The following DDX11 variants were observed in gnomAD, a reference collection of about 807,000 sequenced individuals.
DDX11 encodes the protein ATP-dependent DNA helicase DDX11.
In DDX11, 72 loss-of-function variants were observed where a neutral mutation model predicts 125.2. The ratio of observed to expected loss-of-function variants is 0.58; its 90% CI spans 0.48 to 0.70. The LOEUF is 0.70. DDX11 is among the 30% of genes least tolerant of loss of function. The pLI is 0.00. For synonymous variants in DDX11, 347 were observed against 452.6 expected, an observed-to-expected ratio of 0.77 and a Z score of 2.96; for missense variants, 883 against 1,165.0, an observed-to-expected ratio of 0.76 and a Z score of 3.52.
intron 18 of DDX11, 66 bp from the exon 19 acceptor site, chr12:31,100,569 C>T (rs1273564500): frequency 1.4e-6 from 2 of 1,447,744 alleles, no homozygotes; most frequent in Non-Finnish European, 1.9e-6. Flanking sequence ...GCCCAGACTT[C>T]TCGCTTCCTT....
At position 31,080,695 on chromosome 12, in the gene DDX11, CT is replaced by C. The variant is rs1941743155; in HGVS notation, c.144+2161del. Among the ~76,000 whole-genome samples the C allele has an allele frequency of 4.6e-5, 7 of 152,100 alleles. No individual in the cohort carries two copies. In the South Asian group the frequency reaches 1.5e-3, roughly 32 times the overall value. ...TTTGTGGGTGTAAGCCTCCATATTA[CT>C]TTGGTTAATTTTAGTGTGCTTTGGA... On this transcript the variant is annotated intron_variant, in intron 2 of 26. Coordinates refer to ENST00000542838, the MANE Select transcript of DDX11 (RefSeq NM_030653.4).
rs577632837 is a variant in DDX11 at position 31,091,490 on chromosome 12, C to T, written c.1090-229C>T. The T allele has an allele frequency of 5.8e-5, 32 of 549,746 alleles. No homozygotes were observed. In the East Asian group the frequency reaches 1.0e-3, roughly 18 times the overall value. 34.1% of individuals were successfully genotyped at this position (549,746 alleles called of 1,614,324 possible). On this transcript the variant is annotated intron_variant, in intron 9 of 26. Coordinates refer to ENST00000542838, the MANE Select transcript of DDX11 (RefSeq NM_030653.4). ...AGGGGTTCCCTTCACCCAGCCCTGCCCTTGGTTTACTCAGGAGTCAGACCA... is the reference window on the plus strand; with the variant it reads ...AGGGGTTCCCTTCACCCAGCCCTGCTCTTGGTTTACTCAGGAGTCAGACCA...
rs1202763381 is a variant in DDX11 at position 31,083,810 on chromosome 12, C to A, written c.145-3C>A. The A allele has an allele frequency of 1.9e-6, 3 of 1,611,744 alleles. No homozygotes were observed. Among genetic ancestry groups the A allele is most frequent in the Admixed American group, 3.3e-5 (2 of 59,988 alleles). ...TTTCTAAAGATCATTTTTCTTCCTG[C>A]AGGGGAAGTCCTTAAGTCTTATTTG... On this transcript the variant is annotated splice_region_variant and splice_polypyrimidine_tract_variant and intron_variant, in intron 2 of 26. Coordinates refer to ENST00000542838, the MANE Select transcript of DDX11 (RefSeq NM_030653.4).
Position 31,103,675 on chromosome 12 carries a change from C to A in DDX11, c.2635C>A (p.Arg879=), listed in dbSNP as rs780059558. ...PVLAKLPAWI[R]ARVEVKATFG... is the part of the protein sequence containing the mutation. ...CCTGGCCAAGCTGCCGGCCTGGATC[C>A]GAGCCCGTGTGGAGGTCAAAGCTAC... is the stretch of plus-strand genomic sequence containing the variant. The change falls in exon 26 of 27, where the codon CGA becomes AGA. Residue 879 remains arginine (R), a synonymous_variant. Transcript: ENST00000542838. The A allele has an allele frequency of 8.1e-6, 13 of 1,613,912 alleles. No individual in the cohort carries two copies. The highest frequency in any genetic ancestry group is 1.1e-5 in the Non-Finnish European group (13 of 1,180,024).
At chr12:31,092,293 GTC>G (rs1944385702) in intron 10 of DDX11, among the ~76,000 whole-genome samples, 1 of 152,228 alleles carries the variant, frequency 6.6e-6, no homozygotes. Context: ...GGCACCAGGT[GTC>G]TCTGGTCTTC....
chr12:31,091,969 G>A, intron 10 of DDX11, 98 bp downstream of exon 10: 1 of 1,554,662 alleles, frequency 6.4e-7, no homozygotes, highest in Non-Finnish European at 8.8e-7. Flanking sequence ...CTCCGGAGGT[G>A]GGGCTTGATA....
In DDX11 at chr12:31,104,588, T is replaced by TG. The variant is rs1946925535; in HGVS notation, c.*755dup. The TG allele has an allele frequency of 6.5e-6, 1 of 155,026 alleles. No individual in the cohort carries two copies. The allele number at this position is 155,026 out of a possible 1,614,324, so 9.6% of individuals were successfully genotyped here. ...GTCATCACGGAGACCTTTGTTCCTGTGGGAAAATATCCCTCCCACCTGCAA... is the reference window on the plus strand; with the variant it reads ...GTCATCACGGAGACCTTTGTTCCTGTGGGGAAAATATCCCTCCCACCTGCAA... On this transcript the variant is annotated 3_prime_UTR_variant, in exon 27 of 27. Transcript: ENST00000542838.
intron 20 of DDX11, 82 bp downstream of exon 20, chr12:31,101,212 CCT>C: frequency 8.2e-7 from 1 of 1,215,626 alleles, no homozygotes; most frequent in Admixed American, 1.7e-5. Context: ...TCTGGCCCAC[CCT>C]GAGTGTTTTC....
At chr12:31,090,982 T>G (rs1470474526) in intron 9 of DDX11, 1 of 152,208 alleles carries the variant, frequency 6.6e-6, no homozygotes, top group Non-Finnish European at 1.5e-5. Flanking sequence ...CCAAAATCTT[T>G]ACAATTTTTG....
Position 31,104,078 on chromosome 12 carries a change from C to G in DDX11, c.*242C>G. On this transcript the variant is annotated 3_prime_UTR_variant, in exon 27 of 27. Transcript: ENST00000542838. ...CTTGGGGCGTTCCAGGGCAGCTCCC[C>G]TCCTGGAATAGAATCTTTCTTTCCA... 1 of 1,526,728 alleles carries G rather than the reference C, an allele frequency of 6.5e-7. No individual in the cohort carries two copies. Among genetic ancestry groups the G allele is most frequent in the Non-Finnish European group, 8.8e-7 (1 of 1,135,216 alleles). The allele number at this position is 1,526,728 out of a possible 1,614,324, so 94.6% of individuals were successfully genotyped here. A position where few individuals can be genotyped will look rare whatever the true frequency, so the allele number is the denominator to read the frequency against.
intron 18 of DDX11, among the ~76,000 whole-genome samples, chr12:31,098,426 C>G (rs1241692318): frequency 1.3e-5 from 2 of 152,302 alleles, no homozygotes; most frequent in African/African-American, 4.8e-5. Context: ...GCTCTTTTCA[C>G]TCAGCAGCCA....
intron 14 of DDX11, among the ~76,000 whole-genome samples, chr12:31,095,241 G>A (rs577189319): frequency 9.2e-5 from 14 of 152,352 alleles, no homozygotes; most frequent in Admixed American, 4.6e-4. Flanking sequence ...CTCCCCAGAT[G>A]AAACACGGCC....
chr12:31,094,886 A>G (rs1944948572), intron 14 of DDX11, 64 bp downstream of exon 14: 3 of 1,571,630 alleles, frequency 1.9e-6, no homozygotes, highest in Middle Eastern at 1.7e-4. Context: ...CTGTGGGTAA[A>G]GTACTATGTT....
chr12:31,092,886 G>A lies in DDX11; in HGVS notation c.1283G>A (p.Arg428Gln), dbSNP rs576661794. 2.8e-5 allele frequency: 45 copies of A among 1,613,990 alleles called. No homozygotes were observed. Among genetic ancestry groups the A allele is most frequent in the Admixed American group, 1.7e-4 (10 of 60,022 alleles). The stretch of plus-strand genomic sequence containing the variant: ...TCCCAGCTGCTGCAGTACGTGGAGC[G>A]ATACGGGTGAGATGTGACCCTCTGA... ...AHSQLLQYVE[R>Q]YGKRLKAKNL... is the part of the protein sequence containing the mutation. The change falls in exon 11 of 27, where the codon CGA becomes CAA. Residue 428 changes from arginine to glutamine, a missense_variant. Physicochemically the swap from Arg to Gln is conservative, Grantham distance 43 (BLOSUM62 1). This residue lies in a region of DDX11 where 241 missense variants were observed against 279.7 expected (regional missense o/e 0.86). Coordinates refer to ENST00000542838, the MANE Select transcript of DDX11 (RefSeq NM_030653.4).
intron 1 of DDX11, among the ~76,000 whole-genome samples, chr12:31,076,187 G>C (rs1171997887): frequency 6.6e-6 from 1 of 152,144 alleles, no homozygotes; most frequent in Admixed American, 6.5e-5. Flanking sequence ...GGCAGTGGGA[G>C]CTGAAGCTGA....
chr12:31,080,268 G>C (rs920307297), intron 2 of DDX11, among the ~76,000 whole-genome samples: 1 of 151,438 alleles, frequency 6.6e-6, no homozygotes, highest in Non-Finnish European at 1.5e-5. Context: ...CCCAATAGCC[G>C]GTCTTCCGGG....
chr12:31,089,229 G>T, intron 7 of DDX11, 78 bp downstream of exon 7: 1 of 1,416,256 alleles, frequency 7.1e-7, no homozygotes, highest in South Asian at 1.2e-5. Flanking sequence ...TCCAGGCCTT[G>T]GGAGACGCTG....
Position 31,103,696 on chromosome 12 carries a change from G to T in DDX11, c.2656G>T (p.Ala886Ser). 1 of 1,613,934 alleles carries T rather than the reference G, an allele frequency of 6.2e-7. No individual in the cohort carries two copies. The highest frequency in any genetic ancestry group is 8.5e-7 in the Non-Finnish European group (1 of 1,180,006). Residue 886 changes from alanine (A) to serine (S), a missense_variant, in exon 26 of 27, where the codon GCT (alanine) becomes TCT (serine). Coordinates refer to ENST00000542838, the MANE Select transcript of DDX11 (RefSeq NM_030653.4). ...AWIRARVEVK[A>S]TFGPAIAAVQ... ...GATCCGAGCCCGTGTGGAGGTCAAAGCTACCTTTGGCCCCGCCATTGCTGC... is the reference window on the plus strand; with the variant it reads ...GATCCGAGCCCGTGTGGAGGTCAAATCTACCTTTGGCCCCGCCATTGCTGC...
At position 31,085,877 on chromosome 12, in the gene DDX11, G is replaced by T. The variant is rs1592645390; in HGVS notation, c.638+751G>T. On this transcript the variant is annotated intron_variant, in intron 5 of 26. Transcript: ENST00000542838. ...ACAAGGAAAACAAAATGGTGATGTG[G>T]ATGGGGTGGGGGGCTGCACCTGATG... 1.7e-5 allele frequency: 6 copies of T among 355,234 alleles called. No individual in the cohort carries two copies. In the Admixed American group the frequency reaches 2.2e-4, roughly 13 times the overall value. 22.0% of individuals were successfully genotyped at this position (355,234 alleles called of 1,614,324 possible). A position where few individuals can be genotyped will look rare whatever the true frequency, so the allele number is the denominator to read the frequency against.
Sources: allele counts gnomAD v4.1 joint callset (sites outside exome capture counted in the v4.1 genomes callset), GRCh38; gene constraint gnomAD v4.1.1; regional missense constraint gnomAD v4.1.1; transcripts MANE v1.5; gene names NCBI Gene and HGNC (gene_info 2026-07-23, HGNC 2026-07-21).